The following ADAM10 variants were observed in gnomAD, a reference collection of about 807,000 sequenced individuals.
The protein encoded by ADAM10 is disintegrin and metalloproteinase domain-containing protein 10.
A neutral mutation model predicts 90.1 loss-of-function variants in ADAM10; 17 were observed. That is an observed-to-expected ratio of 0.19 (90% confidence interval 0.13 to 0.28). The LOEUF is 0.28. Among genes scored for constraint, ADAM10 ranks in the 10% least tolerant of loss-of-function variants. ADAM10 has a pLI of 1.00. For synonymous variants in ADAM10, 310 were observed against 298.6 expected (o/e 1.04, Z -0.40); for missense variants, 610 against 914.3 (o/e 0.67, Z 4.29).
intron 14 of ADAM10, among the ~76,000 whole-genome samples, chr15:58,602,932 C>T (rs1219205600): frequency 1.3e-5 from 2 of 152,150 alleles, no homozygotes; most frequent in African/African-American, 2.4e-5. Context: ...AGCAATATAT[C>T]CGAATTTTTA....
intron 5 of ADAM10, among the ~76,000 whole-genome samples, chr15:58,648,976 A>G (rs1896621396): frequency 6.6e-6 from 1 of 152,162 alleles, no homozygotes; most frequent in East Asian, 1.9e-4. Flanking sequence ...CAGTTTTTGT[A>G]AAACAGTTTG....
At chr15:58,723,062 A>G (rs1454651090) in intron 1 of ADAM10, among the ~76,000 whole-genome samples, 8 of 151,960 alleles carry the variant, frequency 5.3e-5, no homozygotes, top group African/African-American at 1.9e-4. Flanking sequence ...TCTTTTTTCA[A>G]GACAGTGTGC....
At chr15:58,739,195 C>G (rs1168559756) in intron 1 of ADAM10, among the ~76,000 whole-genome samples, 1 of 152,062 alleles carries the variant, frequency 6.6e-6, no homozygotes. Flanking sequence ...TTATGGGCTA[C>G]CAAGAAAATT....
intron 1 of ADAM10, among the ~76,000 whole-genome samples, chr15:58,721,649 C>T (rs1360995399): frequency 6.6e-6 from 1 of 152,030 alleles, no homozygotes; most frequent in African/African-American, 2.4e-5. Flanking sequence ...CTTTGAGAGG[C>T]CAGAGTGGGA....
intron 4 of ADAM10, among the ~76,000 whole-genome samples, chr15:58,671,490 A>C (rs930419397): frequency 1.1e-4 from 16 of 152,202 alleles, no homozygotes; most frequent in Non-Finnish European, 1.9e-4. Flanking sequence ...TGAAAGGCTG[A>C]GGTTTAGCTC....
At chr15:58,607,060 A>T (rs1205026841) in intron 14 of ADAM10, among the ~76,000 whole-genome samples, 2 of 152,222 alleles carry the variant, frequency 1.3e-5, no homozygotes, top group Non-Finnish European at 1.5e-5. Flanking sequence ...TAATTTTTAA[A>T]TTTTTTTCAA....
intron 5 of ADAM10, 132 bp downstream of exon 5, chr15:58,664,965 T>C: frequency 1.3e-6 from 1 of 752,034 alleles, no homozygotes; most frequent in Non-Finnish European, 2.3e-6. Flanking sequence ...CTGGCCTCTT[T>C]GAGCATTAAA....
intron 1 of ADAM10, among the ~76,000 whole-genome samples, chr15:58,731,394 AG>A (rs1204543818): frequency 6.6e-6 from 1 of 152,072 alleles, no homozygotes; most frequent in Admixed American, 6.5e-5. Flanking sequence ...CGAGGCGGGC[AG>A]ATCGCTTAAA....
intron 2 of ADAM10, among the ~76,000 whole-genome samples, chr15:58,704,946 A>C (rs1229082500): frequency 1.3e-5 from 2 of 152,230 alleles, no homozygotes; most frequent in Non-Finnish European, 2.9e-5. Context: ...AAGCTAACAC[A>C]TGCGGAGTGT....
At chr15:58,632,105 T>C (rs1896120624) in intron 9 of ADAM10, among the ~76,000 whole-genome samples, 2 of 152,178 alleles carry the variant, frequency 1.3e-5, no homozygotes, top group South Asian at 4.1e-4. Context: ...CAAGTGTACA[T>C]TTTCAAAATG....
chr15:58,748,924 C>T lies in ADAM10; in HGVS notation c.55+556G>A, dbSNP rs187565684. ...AGAATGGGGTCGGTCAGGACCGGCG[C>T]GCCGGGTAAAGAACAATACACGAGC... is the stretch of plus-strand genomic sequence containing the variant. On this transcript the variant is annotated intron_variant, in intron 1 of 15. Transcript: ENST00000260408. 2.5e-4 allele frequency: 98 copies of T among 398,708 alleles called. 1 individual carries two copies. Among genetic ancestry groups the T allele is most frequent in the Non-Finnish European group, 3.7e-4 (84 of 226,196 alleles). The allele number at this position is 398,708 out of a possible 1,614,324, so 24.7% of individuals were successfully genotyped here.
At chr15:58,620,660 A>ATTTTTTTTTTTTTTTTTTTTTTTTT (rs570842513) in intron 11 of ADAM10, among the ~76,000 whole-genome samples, 6 of 59,440 alleles carry the variant, frequency 1.0e-4, no homozygotes, top group Admixed American at 2.1e-4. Flanking sequence ...AAGAATATGT[A>ATTTTTTTTTTTTTTTTTTTTTTTTT]TTTTTTTTTT....
intron 5 of ADAM10, among the ~76,000 whole-genome samples, chr15:58,652,466 C>T (rs1211093402): frequency 6.6e-6 from 1 of 152,096 alleles, no homozygotes; most frequent in Non-Finnish European, 1.5e-5. Context: ...TACGGATATC[C>T]AGTTTTCCCA....
At chr15:58,610,834 A>G (rs1272557355) in intron 13 of ADAM10, 165 bp downstream of exon 13, 1 of 674,172 alleles carries the variant, frequency 1.5e-6, no homozygotes, top group African/African-American at 1.8e-5. Flanking sequence ...TAGAGACCAT[A>G]ATAATAGAGA....
intron 4 of ADAM10, among the ~76,000 whole-genome samples, chr15:58,678,417 G>T (rs1897344009): frequency 6.6e-6 from 1 of 152,144 alleles, no homozygotes; most frequent in African/African-American, 2.4e-5. Flanking sequence ...GGCAAAAATT[G>T]AGAGACTAGT....
chr15:58,599,035 G>A (rs971953455), intron 15 of ADAM10, among the ~76,000 whole-genome samples: 2 of 152,062 alleles, frequency 1.3e-5, no homozygotes, highest in Non-Finnish European at 2.9e-5. Flanking sequence ...CACTAAAAAC[G>A]ATAAGAGAGC....
chr15:58,619,197 G>C (rs1208975406), intron 11 of ADAM10, among the ~76,000 whole-genome samples: 8 of 152,078 alleles, frequency 5.3e-5, no homozygotes, highest in African/African-American at 1.4e-4. Context: ...AACGGAAATA[G>C]AAGTCATCAT....
chr15:58,739,322 T>A (rs201137889), intron 1 of ADAM10, among the ~76,000 whole-genome samples: 1 of 143,402 alleles, frequency 7.0e-6, no homozygotes, highest in East Asian at 2.0e-4. Flanking sequence ...CTGGCTAACA[T>A]GGTGAAACCC....
chr15:58,603,211 C>T (rs984229377), intron 14 of ADAM10, among the ~76,000 whole-genome samples: 16 of 152,026 alleles, frequency 1.1e-4, no homozygotes, highest in African/African-American at 3.6e-4. Context: ...CCATAGACTC[C>T]TATTGTTTTT....
Sources: gnomAD v4.1 joint callset for allele counts (sites outside exome capture counted in the v4.1 genomes callset) on GRCh38, gnomAD v4.1.1 for gene constraint, MANE v1.5 for transcripts, NCBI Gene and HGNC (gene_info 2026-07-23, HGNC 2026-07-21) for gene names.